The following NRXN1 variants were observed in gnomAD, a reference collection of about 807,000 sequenced individuals.
NRXN1 encodes the protein neurexin 1.
Under a neutral mutation model 150.9 loss-of-function variants are expected in NRXN1, and 39 were observed. The ratio of observed to expected loss-of-function variants is 0.26; its 90% CI spans 0.20 to 0.34. NRXN1 has a LOEUF of 0.34. Among genes scored for constraint, NRXN1 ranks in the 10% least tolerant of loss-of-function variants. The pLI is 1.00. For missense variants in NRXN1, 1,815 were observed against 1,949.9 expected (o/e 0.93, Z 1.30); for synonymous variants, 924 against 757.0 (o/e 1.22, Z -3.62).
intron 17 of NRXN1, among the ~76,000 whole-genome samples, chr2:50,440,077 A>C (rs1444656303): frequency 1.3e-5 from 2 of 152,296 alleles, no homozygotes; most frequent in East Asian, 3.9e-4. Context: ...GGACACTTCA[A>C]CTCATCCTCA....
intron 17 of NRXN1, among the ~76,000 whole-genome samples, chr2:50,438,529 A>T (rs1302304619): frequency 6.6e-6 from 1 of 152,238 alleles, no homozygotes; most frequent in African/African-American, 2.4e-5. Context: ...TTATTGTGTC[A>T]ACTTGGAAAT....
intron 21 of NRXN1, among the ~76,000 whole-genome samples, chr2:50,042,414 G>A (rs189300728): frequency 6.6e-6 from 1 of 152,140 alleles, no homozygotes; most frequent in Non-Finnish European, 1.5e-5. Flanking sequence ...ACCATGTGAA[G>A]AAGCATGTGT....
chr2:50,146,064 C>A (rs929154694), intron 18 of NRXN1, among the ~76,000 whole-genome samples: 2 of 151,556 alleles, frequency 1.3e-5, no homozygotes, highest in Non-Finnish European at 1.5e-5. Context: ...GCTAAATTGA[C>A]AATCAGTAAG....
intron 8 of NRXN1, among the ~76,000 whole-genome samples, chr2:50,612,004 G>C (rs974317313): frequency 6.6e-6 from 1 of 151,962 alleles, no homozygotes; most frequent in African/African-American, 2.4e-5. Flanking sequence ...AGCTCATTTC[G>C]TCTAATTTTA....
chr2:50,086,700 T>C (rs1158569540), intron 19 of NRXN1, among the ~76,000 whole-genome samples: 3 of 152,160 alleles, frequency 2.0e-5, no homozygotes, highest in Non-Finnish European at 4.4e-5. Flanking sequence ...GACTTCTTTG[T>C]TCCTTCCTAC....
chr2:50,844,722 T>C (rs1404238872), intron 5 of NRXN1, among the ~76,000 whole-genome samples: 1 of 152,214 alleles, frequency 6.6e-6, no homozygotes, highest in Non-Finnish European at 1.5e-5. Flanking sequence ...AATAGTCGGT[T>C]CGTCATTCCT....
intron 22 of NRXN1, among the ~76,000 whole-genome samples, chr2:49,934,532 G>A (rs2104255597): frequency 6.6e-6 from 1 of 152,204 alleles, no homozygotes; most frequent in South Asian, 2.1e-4. Flanking sequence ...TCTTTTGTTG[G>A]GAAAAAGATC....
intron 17 of NRXN1, among the ~76,000 whole-genome samples, chr2:50,429,995 A>G (rs948625157): frequency 6.6e-6 from 1 of 152,194 alleles, no homozygotes; most frequent in African/African-American, 2.4e-5. Flanking sequence ...TTATATTCAC[A>G]TAAAACAGAA....
At chr2:50,720,478 T>C (rs1696498674) in intron 5 of NRXN1, among the ~76,000 whole-genome samples, 1 of 152,182 alleles carries the variant, frequency 6.6e-6, no homozygotes, top group Non-Finnish European at 1.5e-5. Context: ...CATTAGCTGC[T>C]ACTTTTATGC....
chr2:50,117,121 T>C (rs1703176416), intron 18 of NRXN1, among the ~76,000 whole-genome samples: 1 of 152,176 alleles, frequency 6.6e-6, no homozygotes, highest in African/African-American at 2.4e-5. Context: ...TATGATTGTT[T>C]GTATCAGAAT....
intron 2 of NRXN1, among the ~76,000 whole-genome samples, chr2:51,001,234 T>TGGGGGG (rs749646036): frequency 2.2e-4 from 3 of 13,484 alleles, no homozygotes; most frequent in African/African-American, 3.3e-4. Context: ...TTCATGGGGT[T>TGGGGGG]GGGGGGGGGG....
chr2:51,029,417 A>C (rs1671129536), intron 1 of NRXN1, among the ~76,000 whole-genome samples: 1 of 152,222 alleles, frequency 6.6e-6, no homozygotes, highest in South Asian at 2.1e-4. Context: ...GTAGTTTATT[A>C]TAACTGTTAG....
chr2:50,747,426 C>T (rs1026685876), intron 5 of NRXN1, among the ~76,000 whole-genome samples: 10 of 152,100 alleles, frequency 6.6e-5, no homozygotes, highest in African/African-American at 2.2e-4. Flanking sequence ...AAACCTCTCC[C>T]CATTTGCTTA....
chr2:51,005,169 C>T (rs188151357), intron 2 of NRXN1, among the ~76,000 whole-genome samples: 18 of 152,026 alleles, frequency 1.2e-4, no homozygotes, highest in Admixed American at 3.9e-4. Context: ...GTAACTCTCC[C>T]TCTTTTATTC....
Position 51,001,593 on chromosome 2 carries a change from T to G in NRXN1, c.772+25909A>C, listed in dbSNP as rs566667758. On this transcript the variant is annotated intron_variant, in intron 2 of 22. Transcript: ENST00000401669. ...ATTTTTCCACCTTTTAAAATAATACTCTCAGACAGAGCATTTGAATTTCAT... is the reference window on the plus strand; with the variant it reads ...ATTTTTCCACCTTTTAAAATAATACGCTCAGACAGAGCATTTGAATTTCAT... Among the ~76,000 whole-genome samples, 16 of 152,104 alleles carry G rather than the reference T, an allele frequency of 1.1e-4. No homozygotes were observed. In the East Asian group the frequency reaches 2.7e-3, roughly 26 times the overall value.
At chr2:50,135,184 GTTTTGAA>G (rs1199893057) in intron 18 of NRXN1, among the ~76,000 whole-genome samples, 2 of 152,166 alleles carry the variant, frequency 1.3e-5, no homozygotes, top group Non-Finnish European at 2.9e-5. Flanking sequence ...ATTGACTCAT[GTTTTGAA>G]TACATATTTA....
At chr2:50,908,717 C>T (rs1281138809) in intron 5 of NRXN1, among the ~76,000 whole-genome samples, 1 of 151,980 alleles carries the variant, frequency 6.6e-6, no homozygotes, top group African/African-American at 2.4e-5. Context: ...AAAACTTAAT[C>T]CTCAAATTAA....
At chr2:50,791,125 G>GT (rs535114226) in intron 5 of NRXN1, among the ~76,000 whole-genome samples, 3,949 of 131,888 alleles carry the variant, frequency 0.03, 173 homozygotes, top group African/African-American at 0.094. Flanking sequence ...CAATCAAAAT[G>GT]TTTTTTTTTT....
chr2:50,987,882 C>T (rs193183383), intron 2 of NRXN1, among the ~76,000 whole-genome samples: 43 of 152,028 alleles, frequency 2.8e-4, no homozygotes, highest in Admixed American at 5.3e-4. Context: ...CACTACGAAA[C>T]ACAGAATTAC....
Sources: allele counts gnomAD v4.1 joint callset (sites outside exome capture counted in the v4.1 genomes callset), GRCh38; gene constraint gnomAD v4.1.1; transcripts MANE v1.5; gene names NCBI Gene and HGNC (gene_info 2026-07-23, HGNC 2026-07-21).